Variants in PLCB1 observed in about 807,000 individuals in gnomAD.
The protein encoded by PLCB1 is phospholipase C beta 1, also known as 1-phosphatidylinositol 4,5-bisphosphate phosphodiesterase beta-1.
In PLCB1, 46 loss-of-function variants were observed where a neutral mutation model predicts 161.8. That is an observed-to-expected ratio of 0.28 (90% CI 0.22 to 0.36). The LOEUF (loss-of-function observed/expected upper bound fraction) is 0.36. PLCB1 is among the 10% of genes least tolerant of loss of function. The pLI, the probability that PLCB1 is intolerant of heterozygous loss-of-function variation, is 1.00. For missense variants in PLCB1, 1,016 were observed against 1,472.5 expected (o/e 0.69, Z 5.07); for synonymous variants, 517 against 503.7 (o/e 1.03, Z -0.35).
At chr20:8,468,754 T>C (rs1462141013) in intron 3 of PLCB1, among the ~76,000 whole-genome samples, 1 of 152,204 alleles carries the variant, frequency 6.6e-6, no homozygotes, top group Admixed American at 6.5e-5. Context: ...TCTTTATGTT[T>C]AAAAGCTAAT....
At chr20:8,589,175 A>G (rs949754837) in intron 3 of PLCB1, among the ~76,000 whole-genome samples, 27 of 149,272 alleles carry the variant, frequency 1.8e-4, no homozygotes, top group African/African-American at 6.2e-4. Flanking sequence ...CAGGGTAGAC[A>G]GAACGAAGAC....
intron 3 of PLCB1, among the ~76,000 whole-genome samples, chr20:8,432,132 T>G (rs1600396216): frequency 1.3e-5 from 2 of 152,166 alleles, no homozygotes; most frequent in Middle Eastern, 6.8e-3. Context: ...CCACGAAAAA[T>G]CTGGCTTGCA....
chr20:8,515,013 A>G (rs1433546614), intron 3 of PLCB1, among the ~76,000 whole-genome samples: 1 of 152,222 alleles, frequency 6.6e-6, no homozygotes, highest in African/African-American at 2.4e-5. Flanking sequence ...GTCTTAGATT[A>G]AAGTGGACTT....
chr20:8,638,636 A>C (rs986842827), intron 4 of PLCB1, among the ~76,000 whole-genome samples: 2 of 152,214 alleles, frequency 1.3e-5, no homozygotes, highest in Non-Finnish European at 2.9e-5. Flanking sequence ...CGTAGAAGTG[A>C]TCATTGCCTT....
chr20:8,644,673 G>C (rs1473279288), intron 4 of PLCB1, among the ~76,000 whole-genome samples: 1 of 151,608 alleles, frequency 6.6e-6, no homozygotes, highest in Non-Finnish European at 1.5e-5. Context: ...GAGCGTCTCC[G>C]CCCGGCAGCC....
chr20:8,773,002 C>T (rs1982768810), intron 26 of PLCB1, among the ~76,000 whole-genome samples: 2 of 152,154 alleles, frequency 1.3e-5, no homozygotes, highest in African/African-American at 4.8e-5. Flanking sequence ...GAAAGTTTCC[C>T]TCAACACTGC....
chr20:8,317,338 T>C (rs775087603), intron 2 of PLCB1, among the ~76,000 whole-genome samples: 1 of 152,156 alleles, frequency 6.6e-6, no homozygotes, highest in Non-Finnish European at 1.5e-5. Flanking sequence ...TCTGGATGTC[T>C]GTAATCAAAG....
Position 8,383,243 on chromosome 20 carries a change from G to T in PLCB1, c.246+11793G>T, listed in dbSNP as rs147821301. The stretch of plus-strand genomic sequence containing the variant: ...CCTGTATTGGGTGCATATATATTTA[G>T]GATATTTAGCTCTTCTTGTTGAATT... On this transcript the variant is annotated intron_variant, in intron 3 of 31. Coordinates refer to ENST00000338037, the MANE Select transcript of PLCB1 (RefSeq NM_015192.4). Among the ~76,000 whole-genome samples, 319 of 152,268 alleles carry T rather than the reference G, an allele frequency of 2.1e-3. 1 individual carries two copies. The Middle Eastern group carries it at 0.034, about 16-fold the overall frequency.
At chr20:8,749,771 G>C (rs1981356775) in intron 23 of PLCB1, among the ~76,000 whole-genome samples, 2 of 152,106 alleles carry the variant, frequency 1.3e-5, no homozygotes, top group South Asian at 4.1e-4. Context: ...ATACAAACTT[G>C]TTACAGACAG....
chr20:8,495,289 A>G (rs1417825476), intron 3 of PLCB1, among the ~76,000 whole-genome samples: 2 of 152,092 alleles, frequency 1.3e-5, no homozygotes, highest in Non-Finnish European at 2.9e-5. Flanking sequence ...TCACATAGCC[A>G]GTAAGTAATG....
intron 2 of PLCB1, among the ~76,000 whole-genome samples, chr20:8,234,062 G>A (rs576218040): frequency 1.3e-5 from 2 of 152,166 alleles, no homozygotes; most frequent in African/African-American, 4.8e-5. Context: ...TTGCACACAT[G>A]TAAAAATTTC....
chr20:8,136,083 C>T (rs551611203), intron 1 of PLCB1, among the ~76,000 whole-genome samples: 3 of 152,276 alleles, frequency 2.0e-5, no homozygotes, highest in East Asian at 3.9e-4. Flanking sequence ...CTCACTGTCG[C>T]ACAACCTCTG....
chr20:8,722,828 C>G (rs115324252), intron 15 of PLCB1, among the ~76,000 whole-genome samples: 2,150 of 152,116 alleles, frequency 0.014, 64 homozygotes, highest in African/African-American at 0.049. Context: ...CAGAGAGAGA[C>G]CTCACGCCTT....
At chr20:8,584,056 T>C (rs1423318328) in intron 3 of PLCB1, among the ~76,000 whole-genome samples, 2 of 152,136 alleles carry the variant, frequency 1.3e-5, no homozygotes, top group Non-Finnish European at 2.9e-5. Context: ...AAAAACGATA[T>C]TGGTTTCTGT....
intron 3 of PLCB1, among the ~76,000 whole-genome samples, chr20:8,546,313 C>CAAAAAAAAAAAAAAAAAAAAAAAAAAAA (rs369485988): frequency 9.7e-6 from 1 of 102,938 alleles, no homozygotes; most frequent in Non-Finnish European, 1.9e-5. Flanking sequence ...GACTCTATCT[C>CAAAAAAAAAAAAAAAAAAAAAAAAAAAA]AAAAAAAAAA....
At chr20:8,217,853 C>T (rs150923311) in intron 2 of PLCB1, among the ~76,000 whole-genome samples, 1,847 of 152,172 alleles carry the variant, frequency 0.012, 43 homozygotes, top group African/African-American at 0.042. Context: ...GGCTCCTTTA[C>T]TCTCTTGTTC....
intron 2 of PLCB1, among the ~76,000 whole-genome samples, chr20:8,283,864 G>T (rs929619388): frequency 6.6e-6 from 1 of 151,926 alleles, no homozygotes; most frequent in African/African-American, 2.4e-5. Context: ...TTGGTAATTT[G>T]TCTATCTGGT....
intron 4 of PLCB1, among the ~76,000 whole-genome samples, chr20:8,636,898 C>T (rs934216125): frequency 1.2e-4 from 19 of 152,276 alleles, no homozygotes; most frequent in African/African-American, 4.6e-4. Flanking sequence ...TTCTTTCCTT[C>T]CATCCACTCC....
At chr20:8,483,473 CTT>C (rs1982592301) in intron 3 of PLCB1, among the ~76,000 whole-genome samples, 1 of 152,166 alleles carries the variant, frequency 6.6e-6, no homozygotes, top group Non-Finnish European at 1.5e-5. Context: ...ATGGAACACA[CTT>C]TTATAGTTGA....
Sources: gnomAD v4.1 joint callset for allele counts (sites outside exome capture counted in the v4.1 genomes callset) on GRCh38, gnomAD v4.1.1 for gene constraint, MANE v1.5 for transcripts, NCBI Gene and HGNC (gene_info 2026-07-23, HGNC 2026-07-21) for gene names.